The following ZBTB46 variants were observed in gnomAD, a reference collection of about 807,000 sequenced individuals.
ZBTB46 encodes zinc finger and BTB domain containing 46.
A neutral mutation model predicts 44.1 loss-of-function variants in ZBTB46; 8 were observed. The observed-to-expected ratio is 0.18, with a 90% CI of 0.11 to 0.33. ZBTB46 has a LOEUF of 0.33. Ranked by LOEUF, ZBTB46 falls within the 10% of genes least tolerant of loss-of-function variation. The pLI, the probability that ZBTB46 is intolerant of heterozygous loss-of-function variation, is 1.00. For missense variants in ZBTB46, 651 were observed against 847.7 expected, an observed-to-expected ratio of 0.77 and a Z score of 2.88; for synonymous variants, 409 against 382.3, an observed-to-expected ratio of 1.07 and a Z score of -0.81.
chr20:63,808,667 G>A (rs552783588), intron 1 of ZBTB46, among the ~76,000 whole-genome samples: 175 of 152,272 alleles, frequency 1.1e-3, no homozygotes, highest in Non-Finnish European at 2.0e-3. Context: ...CAGGACAGGC[G>A]CCAAGGCCGC....
In ZBTB46 at chr20:63,767,800, C is replaced by A; in HGVS notation, c.1222+7878G>T. 1.1e-6 allele frequency: 1 copy of A among 882,282 alleles called. No homozygotes were observed. Among genetic ancestry groups the A allele is most frequent in the South Asian group, 5.2e-5 (1 of 19,316 alleles). 54.7% of individuals were successfully genotyped at this position (882,282 alleles called of 1,614,324 possible). A position where few individuals can be genotyped will look rare whatever the true frequency, so the allele number is the denominator to read the frequency against. ...GGCCAAGCCGTCCTGGCACTGGCTG[C>A]CCCCAGGGCTGGGCAAGTCCATCCA... On this transcript the variant is annotated intron_variant, in intron 3 of 4. Transcript: ENST00000245663. The surrounding 1 kb of genome is among the most constrained non-coding windows in gnomAD (Gnocchi z 5.0).
intron 3 of ZBTB46, among the ~76,000 whole-genome samples, chr20:63,770,698 C>T (rs994605427): frequency 1.7e-4 from 21 of 123,674 alleles, no homozygotes; most frequent in African/African-American, 5.5e-4. Context: ...CACGGCCGGA[C>T]GCTGTTTGTT....
chr20:63,758,398 C>T (rs1008918832), intron 3 of ZBTB46, among the ~76,000 whole-genome samples: 1 of 151,920 alleles, frequency 6.6e-6, no homozygotes. Flanking sequence ...AACAAGGCTC[C>T]GGCCTGCATT....
chr20:63,769,475 G>A (rs917757480), intron 3 of ZBTB46: 15 of 981,430 alleles, frequency 1.5e-5, no homozygotes, highest in South Asian at 4.7e-5. Context: ...CGATCTTCCC[G>A]GCATGCGGTG....
intron 1 of ZBTB46, among the ~76,000 whole-genome samples, chr20:63,816,727 T>C (rs2092760705): frequency 6.6e-6 from 1 of 152,136 alleles, no homozygotes; most frequent in African/African-American, 2.4e-5. Context: ...AAATAGGGTC[T>C]TTGCAAATAT....
At chr20:63,768,754 G>C (rs985322505) in intron 3 of ZBTB46, among the ~76,000 whole-genome samples, 2 of 152,212 alleles carry the variant, frequency 1.3e-5, no homozygotes, top group South Asian at 4.2e-4. Flanking sequence ...GGCTCTGCGC[G>C]GCTCGGGCTG....
chr20:63,747,543 G>GC (rs2092115383), intron 4 of ZBTB46, among the ~76,000 whole-genome samples: 1 of 114,260 alleles, frequency 8.8e-6, no homozygotes, highest in Non-Finnish European at 1.9e-5. Context: ...GGGTGGGGGG[G>GC]GTGCGGGGGT....
chr20:63,745,179 G>A lies in ZBTB46; in HGVS notation c.*1751C>T, dbSNP rs762680078. ...AGAGTGGGCAGGGCTCACCGCTGAG[G>A]GGCCAGCGCTTGGCCCGGCTCCTAT... On this transcript the variant is annotated 3_prime_UTR_variant, in exon 5 of 5. Transcript: ENST00000245663. 2.3e-4 allele frequency: 35 copies of A among 152,240 alleles called. No individual in the cohort carries two copies. Among genetic ancestry groups the A allele is most frequent in the Non-Finnish European group, 4.3e-4 (29 of 68,036 alleles). 9.4% of individuals were successfully genotyped at this position (152,240 alleles called of 1,614,324 possible).
chr20:63,757,294 TG>T (rs2092229236), intron 3 of ZBTB46, among the ~76,000 whole-genome samples: 1 of 152,182 alleles, frequency 6.6e-6, no homozygotes. Context: ...GGCTGATTTT[TG>T]TATTTTCAGT....
At chr20:63,806,091 T>C (rs1348438961) in intron 1 of ZBTB46, among the ~76,000 whole-genome samples, 3 of 150,762 alleles carry the variant, frequency 2.0e-5, no homozygotes, top group Non-Finnish European at 4.4e-5. Flanking sequence ...TTTAAAAATA[T>C]TATAATTTTC....
intron 1 of ZBTB46, among the ~76,000 whole-genome samples, chr20:63,821,013 C>T (rs1187206384): frequency 6.6e-6 from 1 of 152,086 alleles, no homozygotes; most frequent in Non-Finnish European, 1.5e-5. Context: ...CTGCCTCAGC[C>T]TCCCAAGTAG....
chr20:63,810,243 A>T (rs1038609731), intron 1 of ZBTB46, among the ~76,000 whole-genome samples: 4 of 152,202 alleles, frequency 2.6e-5, no homozygotes, highest in Non-Finnish European at 4.4e-5. Context: ...CAAACACTCG[A>T]CAATTCGAAG....
chr20:63,817,762 G>A (rs1054767774), intron 1 of ZBTB46, among the ~76,000 whole-genome samples: 35 of 151,636 alleles, frequency 2.3e-4, no homozygotes, highest in Non-Finnish European at 8.8e-5. Context: ...GAAAAAACCT[G>A]GACACCCGCA....
At chr20:63,791,495 CAAAAAAAA>C (rs59810640) in intron 1 of ZBTB46, among the ~76,000 whole-genome samples, 10 of 61,230 alleles carry the variant, frequency 1.6e-4, no homozygotes, top group Non-Finnish European at 1.9e-4. Flanking sequence ...GACTCCATCT[CAAAAAAAA>C]AAAAAAAAAA....
intron 1 of ZBTB46, among the ~76,000 whole-genome samples, chr20:63,819,515 C>T (rs1376217318): frequency 3.9e-5 from 6 of 152,158 alleles, no homozygotes; most frequent in Non-Finnish European, 7.3e-5. Context: ...CTTACACAGA[C>T]ACAGGGTCCC....
chr20:63,749,264 G>T (rs2092135182), intron 4 of ZBTB46, among the ~76,000 whole-genome samples: 1 of 152,184 alleles, frequency 6.6e-6, no homozygotes, highest in African/African-American at 2.4e-5. Flanking sequence ...GCCCAAACAC[G>T]CTAACCCTAG....
chr20:63,756,627 C>T (rs1285407569), intron 3 of ZBTB46, among the ~76,000 whole-genome samples: 4 of 152,246 alleles, frequency 2.6e-5, no homozygotes, highest in African/African-American at 9.6e-5. Flanking sequence ...ACTTTATCTA[C>T]ATACACCACA....
chr20:63,808,471 G>T (rs1031288611), intron 1 of ZBTB46, among the ~76,000 whole-genome samples: 1 of 152,142 alleles, frequency 6.6e-6, no homozygotes, highest in African/African-American at 2.4e-5. Flanking sequence ...TCTCAGCCCC[G>T]GGCCCGGCGG....
Position 63,789,945 on chromosome 20 carries a change from C to G in ZBTB46, c.813G>C (p.Lys271Asn). Residue 271 changes from lysine to asparagine, a missense_variant, in exon 2 of 5, where the codon AAG becomes AAC. By Grantham distance (94) the Lys-to-Asn change is moderately conservative. This residue lies in a region of ZBTB46 where 385 missense variants were observed against 423.3 expected (regional missense o/e 0.91). Transcript: ENST00000245663. ...GGACGGTCTCTTTGTTTTTCCGATT[C>G]TTCCTTCGGCCCGTGGGCTGCCAGG... Reference protein sequence around the residue: ...GDAWQPTGRRKNRKNKETVRH... With the variant: ...GDAWQPTGRRNNRKNKETVRH... The G allele has an allele frequency of 1.2e-6, 2 of 1,614,140 alleles. No homozygotes were observed. Among genetic ancestry groups the G allele is most frequent in the Non-Finnish European group, 1.7e-6 (2 of 1,180,038 alleles).
Sources: gnomAD v4.1 joint callset for allele counts (sites outside exome capture counted in the v4.1 genomes callset) on GRCh38, gnomAD v4.1.1 for gene constraint, gnomAD v4.1.1 regional missense constraint, Gnocchi (gnomAD v3.1) non-coding constraint, MANE v1.5 for transcripts, NCBI Gene and HGNC (gene_info 2026-07-23, HGNC 2026-07-21) for gene names.